Variants in ABCB1 observed in about 807,000 individuals in gnomAD.
ABCB1 encodes ATP binding cassette subfamily B member 1.
ABCB1 carries 69 observed loss-of-function variants against 142.0 expected under a neutral mutation model. The observed-to-expected ratio is 0.49, with a 90% CI of 0.40 to 0.59. ABCB1 has a LOEUF of 0.59. Ranked by LOEUF, ABCB1 falls within the 20% of genes least tolerant of loss-of-function variation. ABCB1 has a pLI of 0.00. For missense variants in ABCB1, 1,326 were observed against 1,554.7 expected (o/e 0.85, Z 2.47); for synonymous variants, 532 against 539.2 (o/e 0.99, Z 0.18).
chr7:87,617,222 G>A (rs988066951), intron 1 of ABCB1, among the ~76,000 whole-genome samples: 1 of 152,160 alleles, frequency 6.6e-6, no homozygotes, highest in African/African-American at 2.4e-5. Flanking sequence ...TGCATAACCA[G>A]GCAATCTTAT....
intron 1 of ABCB1, among the ~76,000 whole-genome samples, chr7:87,710,150 T>A (rs1829941623): frequency 6.6e-6 from 1 of 152,142 alleles, no homozygotes; most frequent in East Asian, 1.9e-4. Flanking sequence ...CTTAAATAAG[T>A]GATGTTAGAC....
intron 1 of ABCB1, among the ~76,000 whole-genome samples, chr7:87,702,165 A>AAAAC (rs1829133675): frequency 6.7e-6 from 1 of 149,804 alleles, no homozygotes; most frequent in African/African-American, 2.5e-5. Context: ...AAAAAAAAAA[A>AAAAC]AAAAAAACAG....
intron 1 of ABCB1, among the ~76,000 whole-genome samples, chr7:87,653,667 A>T (rs1442818019): frequency 3.3e-5 from 5 of 152,074 alleles, no homozygotes; most frequent in Admixed American, 1.3e-4. Flanking sequence ...TTTTTTTTCA[A>T]ATGCGAGCCT....
intron 1 of ABCB1, chr7:87,659,236 A>G (rs545892308): frequency 2.4e-6 from 1 of 422,092 alleles, no homozygotes; most frequent in Non-Finnish European, 4.7e-6. Flanking sequence ...GGGTAAATAC[A>G]TTAGGCTTTC....
At chr7:87,637,259 G>T (rs966074621) in intron 1 of ABCB1, among the ~76,000 whole-genome samples, 15 of 152,124 alleles carry the variant, frequency 9.9e-5, no homozygotes, top group African/African-American at 2.4e-5. Context: ...TCTGTTTCTA[G>T]ACTTTCTTTT....
At chr7:87,618,553 A>C (rs1205477129) in intron 1 of ABCB1, among the ~76,000 whole-genome samples, 1 of 152,182 alleles carries the variant, frequency 6.6e-6, no homozygotes, top group African/African-American at 2.4e-5. Flanking sequence ...ACAGACACTT[A>C]ATATACATCT....
Position 87,504,209 on chromosome 7 carries a change from T to C in ABCB1, c.*34A>G. On this transcript the variant is annotated 3_prime_UTR_variant, in exon 28 of 28. Coordinates refer to ENST00000622132, the MANE Select transcript of ABCB1 (RefSeq NM_001348946.2). ...AATAAATGTCATATCTAAACAAATA[T>C]TAAAAAGTATTTAACATCTCATACA... 2 of 1,612,614 alleles carry C rather than the reference T, an allele frequency of 1.2e-6. No homozygotes were observed. Among genetic ancestry groups the C allele is most frequent in the Non-Finnish European group, 8.5e-7 (1 of 1,178,884 alleles).
intron 14 of ABCB1, among the ~76,000 whole-genome samples, chr7:87,548,346 T>A (rs1445139089): frequency 1.7e-5 from 2 of 120,320 alleles, no homozygotes; most frequent in African/African-American, 6.6e-5. Flanking sequence ...GAGGGAGGGA[T>A]TGAGGGAGGG....
intron 25 of ABCB1, among the ~76,000 whole-genome samples, chr7:87,510,083 T>A (rs770286191): frequency 3.3e-5 from 5 of 152,262 alleles, no homozygotes; most frequent in South Asian, 4.2e-4. Flanking sequence ...TATTTTAGAC[T>A]TCTGACCTCC....
intron 26 of ABCB1, among the ~76,000 whole-genome samples, chr7:87,506,463 T>C (rs975858144): frequency 6.6e-6 from 1 of 152,208 alleles, no homozygotes; most frequent in African/African-American, 2.4e-5. Context: ...GATTTTAAAT[T>C]GAGGAAAGAC....
At chr7:87,651,089 C>T in intron 1 of ABCB1, 1 of 576,884 alleles carries the variant, frequency 1.7e-6, no homozygotes, top group South Asian at 2.1e-5. Context: ...ACGAAAGAGC[C>T]TCTGTTCTCA....
intron 22 of ABCB1, among the ~76,000 whole-genome samples, chr7:87,519,792 G>C (rs1815412119): frequency 6.6e-6 from 1 of 152,130 alleles, no homozygotes; most frequent in Non-Finnish European, 1.5e-5. Flanking sequence ...CCCACTTTTG[G>C]ACACACAGTA....
chr7:87,548,706 G>A (rs28381906), intron 14 of ABCB1, among the ~76,000 whole-genome samples: 117 of 152,230 alleles, frequency 7.7e-4, no homozygotes, highest in Non-Finnish European at 1.2e-3. Flanking sequence ...TTACTATCAC[G>A]TGCTGGAGAT....
At chr7:87,521,392 C>A in intron 21 of ABCB1, 3 of 626,038 alleles carry the variant, frequency 4.8e-6, no homozygotes, top group Admixed American at 2.4e-5. Flanking sequence ...TGCCTGTGGA[C>A]GCTTACCCCT....
At position 87,504,097 on chromosome 7, in the gene ABCB1, C is replaced by T. The variant is rs28364277; in HGVS notation, c.*146G>A. On this transcript the variant is annotated 3_prime_UTR_variant, in exon 28 of 28. Coordinates refer to ENST00000622132, the MANE Select transcript of ABCB1 (RefSeq NM_001348946.2). ...GTCTCTCACTCTGTTCCTTTAATTA[C>T]GAAGTCTCTGAAGACTCTGAACTTG... The T allele has an allele frequency of 6.7e-3, 6,659 of 994,358 alleles. 265 individuals are homozygous for T. The African/African-American group carries it at 0.093, about 14-fold the overall frequency. 61.6% of individuals were successfully genotyped at this position (994,358 alleles called of 1,614,324 possible).
intron 1 of ABCB1, among the ~76,000 whole-genome samples, chr7:87,665,965 T>C (rs1428136312): frequency 6.6e-6 from 1 of 152,134 alleles, no homozygotes; most frequent in Non-Finnish European, 1.5e-5. Flanking sequence ...TGTGTCTTTA[T>C]GGTAGAATGA....
At chr7:87,598,928 C>A (rs1819324254) in intron 2 of ABCB1, among the ~76,000 whole-genome samples, 1 of 152,142 alleles carries the variant, frequency 6.6e-6, no homozygotes, top group Non-Finnish European at 1.5e-5. Context: ...GGGTTCATTT[C>A]TTTTAGGGAG....
Position 87,679,832 on chromosome 7 carries a change from T to C in ABCB1, c.-331+33329A>G, listed in dbSNP as rs150674191. Among the ~76,000 whole-genome samples, 306 of 150,812 alleles carry C rather than the reference T, an allele frequency of 2.0e-3. 27 individuals carry two copies. The highest frequency in any genetic ancestry group is 7.2e-3 in the African/African-American group (295 of 40,700). On this transcript the variant is annotated intron_variant, in intron 1 of 28. Transcript: ENST00000265724. ...AGCAAATTTAAAAGAATTGAAATCATATAAAGTATGTTCTCTGTAATGGAA... is the reference window on the plus strand; with the variant it reads ...AGCAAATTTAAAAGAATTGAAATCACATAAAGTATGTTCTCTGTAATGGAA...
At chr7:87,701,142 A>T (rs986564646) in intron 1 of ABCB1, among the ~76,000 whole-genome samples, 1 of 152,242 alleles carries the variant, frequency 6.6e-6, no homozygotes, top group Non-Finnish European at 1.5e-5. Context: ...CAAGAAAAAC[A>T]CTTGTACAAT....
Sources: gnomAD v4.1 joint callset for allele counts (sites outside exome capture counted in the v4.1 genomes callset) on GRCh38, gnomAD v4.1.1 for gene constraint, MANE v1.5 for transcripts, NCBI Gene and HGNC (gene_info 2026-07-23, HGNC 2026-07-21) for gene names.